The following MCM3 variants were observed in gnomAD, a reference collection of about 807,000 sequenced individuals.
MCM3 encodes minichromosome maintenance complex component 3.
MCM3 carries 59 observed loss-of-function variants against 91.3 expected under a neutral mutation model. The ratio of observed to expected loss-of-function variants is 0.65; its 90% CI spans 0.52 to 0.80. The LOEUF (loss-of-function observed/expected upper bound fraction) is 0.80. Ranked by LOEUF, MCM3 falls within the 30% of genes least tolerant of loss-of-function variation. The pLI, the probability that MCM3 is intolerant of heterozygous loss-of-function variation, is 0.00. For missense variants in MCM3, 919 were observed against 1,035.4 expected, an observed-to-expected ratio of 0.89 and a Z score of 1.54; for synonymous variants, 383 against 379.6, an observed-to-expected ratio of 1.01 and a Z score of -0.10.
chr6:52,279,210 A>G, intron 5 of MCM3, 151 bp downstream of exon 5: 2 of 676,414 alleles, frequency 3.0e-6, no homozygotes, highest in South Asian at 3.6e-5. Flanking sequence ...TCTGATAGAA[A>G]AGAGGTATTG....
At chr6:52,280,003 T>C (rs911542021) in intron 4 of MCM3, among the ~76,000 whole-genome samples, 2 of 152,216 alleles carry the variant, frequency 1.3e-5, no homozygotes, top group Non-Finnish European at 2.9e-5. Flanking sequence ...ATCAATAGTG[T>C]AATGGTTAAA....
At chr6:52,268,612 A>G (rs1764834069) in intron 13 of MCM3, among the ~76,000 whole-genome samples, 2 of 152,166 alleles carry the variant, frequency 1.3e-5, no homozygotes, top group Admixed American at 6.5e-5. Context: ...CAATGTCACA[A>G]ACAGAAATAG....
In MCM3 at chr6:52,282,084, G is replaced by C. The variant is rs573897973; in HGVS notation, c.492C>G (p.Thr164=). The C allele has an allele frequency of 2.5e-6, 4 of 1,614,020 alleles. No homozygotes were observed. In the African/African-American group the frequency reaches 4.0e-5, roughly 16 times the overall value. Residue 164 remains threonine (T), a synonymous_variant, in exon 4 of 17, where the codon ACC becomes ACG. Transcript: ENST00000596288. The part of the protein sequence containing the change: ...TIERRYSDLT[T]LVAFPSSSVY... ...CAGAGCTGGAGGGAAAGGCCACCAG[G>C]GTGGTGAGATCAGAATAACGTCGCT...
At chr6:52,266,868 C>A (rs1157208758) in intron 14 of MCM3, among the ~76,000 whole-genome samples, 172 bp from the exon 15 acceptor site, 1 of 152,122 alleles carries the variant, frequency 6.6e-6, no homozygotes, top group African/African-American at 2.4e-5. Context: ...AGACCAAGTC[C>A]CCAGACTAGA....
At chr6:52,282,579 T>C (rs1766198172) in intron 3 of MCM3, 74 bp downstream of exon 3, 4 of 1,422,502 alleles carry the variant, frequency 2.8e-6, no homozygotes, top group Admixed American at 3.5e-5. Flanking sequence ...GCTACCCAGA[T>C]CTACTTTGCC....
chr6:52,264,941 C>T (rs1417812013), intron 16 of MCM3, among the ~76,000 whole-genome samples, 155 bp from the exon 17 acceptor site: 1 of 152,188 alleles, frequency 6.6e-6, no homozygotes, highest in Non-Finnish European at 1.5e-5. Flanking sequence ...GCAGTGCTAC[C>T]CTTGAGGAGC....
chr6:52,275,829 A>C (rs1017603199), intron 9 of MCM3, among the ~76,000 whole-genome samples: 1 of 152,278 alleles, frequency 6.6e-6, no homozygotes, highest in African/African-American at 2.4e-5. Flanking sequence ...GATAATTCTT[A>C]ACAAGGAAAT....
Position 52,276,619 on chromosome 6 carries a change from G to A in MCM3, c.1166-143C>T, listed in dbSNP as rs1478623709. On this transcript the variant is annotated intron_variant, in intron 8 of 16. Transcript: ENST00000596288. ...TGTGTTGGCTCCGAGAAACTTAGAGGAAACCCTGGTGGGTCACCTTTTCAG... is the reference window on the plus strand; with the variant it reads ...TGTGTTGGCTCCGAGAAACTTAGAGAAAACCCTGGTGGGTCACCTTTTCAG... The A allele has an allele frequency of 1.9e-5, 13 of 695,850 alleles. No individual in the cohort carries two copies. In the East Asian group the frequency reaches 2.8e-4, roughly 15 times the overall value. The allele number at this position is 695,850 out of a possible 1,614,324, so 43.1% of individuals were successfully genotyped here. A position where few individuals can be genotyped will look rare whatever the true frequency, so the allele number is the denominator to read the frequency against.
At chr6:52,281,899 GC>G (rs1421171767) in intron 4 of MCM3, 145 bp downstream of exon 4, 1 of 645,456 alleles carries the variant, frequency 1.5e-6, no homozygotes, top group Non-Finnish European at 2.4e-6. Flanking sequence ...TTAAACTCTG[GC>G]CTGCAATCAA....
At chr6:52,272,477 T>C (rs763463022) in intron 11 of MCM3, 26 bp from the exon 12 acceptor site, 5 of 1,612,824 alleles carry the variant, frequency 3.1e-6, no homozygotes, top group Admixed American at 3.3e-5. Context: ...GTGAATTCCA[T>C]CTCCCTGCCA....
At chr6:52,280,070 C>G (rs1765946872) in intron 4 of MCM3, among the ~76,000 whole-genome samples, 1 of 152,112 alleles carries the variant, frequency 6.6e-6, no homozygotes, top group Admixed American at 6.5e-5. Flanking sequence ...TGAAACACAC[C>G]TATACACAAC....
rs1766211112 is a variant in MCM3, at chr6:52,282,700, G to A, written c.353C>T (p.Ser118Phe). Residue 118 changes from serine to phenylalanine, a missense_variant, in exon 3 of 17, where the codon TCC becomes TTC. Coordinates refer to ENST00000596288, the MANE Select transcript of MCM3 (RefSeq NM_002388.6). The stretch of plus-strand genomic sequence containing the variant: ...ACAGACCACACAGCTGAGGAAGCAG[G>A]AGGTAAGAGTCCGCGGGGAGACGTG... ...SKHVSPRTLT[S>F]CFLSCVVCVE... The A allele has an allele frequency of 6.2e-7, 1 of 1,613,886 alleles. No homozygotes were observed. Among genetic ancestry groups the A allele is most frequent in the Non-Finnish European group, 8.5e-7 (1 of 1,180,036 alleles).
intron 12 of MCM3, 113 bp downstream of exon 12, chr6:52,272,188 G>A: frequency 1.8e-6 from 2 of 1,142,490 alleles, no homozygotes; most frequent in Non-Finnish European, 2.4e-6. Flanking sequence ...AAGCCCTTCA[G>A]ACCAGGAAAA....
chr6:52,274,401 CA>C (rs1011776481), intron 9 of MCM3, among the ~76,000 whole-genome samples: 2 of 152,118 alleles, frequency 1.3e-5, no homozygotes, highest in African/African-American at 4.8e-5. Context: ...AGAAACTGGC[CA>C]GGCACATCCA....
rs546932296 is a variant in MCM3, at chr6:52,264,345, A to T, written c.*243T>A. On this transcript the variant is annotated 3_prime_UTR_variant, in exon 17 of 17. Transcript: ENST00000596288. The stretch of plus-strand genomic sequence containing the variant: ...GGGCGGATGAGCCAGTGCTTTTGCA[A>T]TGAAGATGCAATAGTCATTGTCCTC... 2.0e-6 allele frequency: 1 copy of T among 489,140 alleles called. No individual in the cohort carries two copies. The highest frequency in any genetic ancestry group is 3.5e-5 in the East Asian group (1 of 28,288). The allele number at this position is 489,140 out of a possible 1,614,324, so 30.3% of individuals were successfully genotyped here. A position where few individuals can be genotyped will look rare whatever the true frequency, so the allele number is the denominator to read the frequency against.
In MCM3 at chr6:52,272,435, C is replaced by T; in HGVS notation, c.1693G>A (p.Ala565Thr). 2.5e-6 allele frequency: 4 copies of T among 1,614,172 alleles called. No individual in the cohort carries two copies. The highest frequency in any genetic ancestry group is 3.4e-6 in the Non-Finnish European group (4 of 1,180,032). The change falls in exon 12 of 17, where the codon GCA (alanine) becomes ACA (threonine). Residue 565 changes from alanine (A) to threonine (T), a missense_variant. By Grantham distance (58) the Ala-to-Thr change is moderately conservative. Coordinates refer to ENST00000596288, the MANE Select transcript of MCM3 (RefSeq NM_002388.6). ...TGGATGTACTTCTTCATGAATGCTG[C>T]ACTCACCATCTTCTCCCTGGAGCCA... ...TKKKKEKMVS[A>T]AFMKKYIHVA...
At chr6:52,282,604 C>CATCT (rs749255536) in intron 3 of MCM3, 49 bp downstream of exon 3, 1 of 1,570,102 alleles carries the variant, frequency 6.4e-7, no homozygotes, top group African/African-American at 1.3e-5. Context: ...CTGCTTTCCC[C>CATCT]ATCTCCCTGT....
In MCM3 at chr6:52,280,054, AATGT is replaced by A. The variant is rs1765946211; in HGVS notation, c.532-459_532-456del. On this transcript the variant is annotated intron_variant, in intron 4 of 16. Transcript: ENST00000596288. ...TAAATGAATACTATACAGCAATAAA[AATGT>A]ATGAAACACACCTATACACAACATG... 2.6e-5 allele frequency among the ~76,000 whole-genome samples: 4 copies of A among 152,372 alleles called. No individual in the cohort carries two copies. The South Asian group carries it at 8.3e-4, about 32-fold the overall frequency.
At chr6:52,273,386 G>A (rs758070203) in intron 10 of MCM3, 30 bp from the exon 11 acceptor site, 2 of 1,611,788 alleles carry the variant, frequency 1.2e-6, no homozygotes, top group African/African-American at 2.7e-5. Flanking sequence ...AGAAAGGAGA[G>A]TAATAAAGAG....
Sources: gnomAD v4.1 joint callset for allele counts (sites outside exome capture counted in the v4.1 genomes callset) on GRCh38, gnomAD v4.1.1 for gene constraint, MANE v1.5 for transcripts, NCBI Gene and HGNC (gene_info 2026-07-23, HGNC 2026-07-21) for gene names.